Variants in CACNA2D3 observed in about 807,000 individuals in gnomAD.
CACNA2D3 encodes calcium voltage-gated channel auxiliary subunit alpha2delta 3.
CACNA2D3 carries 60 observed loss-of-function variants against 160.6 expected under a neutral mutation model. That is an observed-to-expected ratio of 0.37 (90% CI 0.30 to 0.46). The LOEUF is 0.46. CACNA2D3 is among the 20% of genes least tolerant of loss of function. The pLI, the probability that CACNA2D3 is intolerant of heterozygous loss-of-function variation, is 1.00. For missense variants in CACNA2D3, 1,205 were observed against 1,365.0 expected (o/e 0.88, Z 1.85); for synonymous variants, 558 against 492.9 (o/e 1.13, Z -1.75).
chr3:54,948,968 G>A (rs995255059), intron 27 of CACNA2D3, among the ~76,000 whole-genome samples: 12 of 152,314 alleles, frequency 7.9e-5, no homozygotes, highest in African/African-American at 2.9e-4. Flanking sequence ...GTTATAACCA[G>A]CTTCAGGTAC....
intron 5 of CACNA2D3, among the ~76,000 whole-genome samples, chr3:54,561,760 C>G (rs2106704650): frequency 6.6e-6 from 1 of 152,200 alleles, no homozygotes; most frequent in Non-Finnish European, 1.5e-5. Context: ...GGAGAACAAC[C>G]TTTGTGTTAT....
chr3:54,822,089 C>A (rs975662108), intron 14 of CACNA2D3, among the ~76,000 whole-genome samples: 1 of 152,158 alleles, frequency 6.6e-6, no homozygotes, highest in Non-Finnish European at 1.5e-5. Flanking sequence ...CTTTGCTTTG[C>A]ATGTAAACTA....
chr3:54,177,550 C>T (rs1203969676), intron 2 of CACNA2D3, among the ~76,000 whole-genome samples: 3 of 152,132 alleles, frequency 2.0e-5, no homozygotes, highest in East Asian at 1.9e-4. Context: ...AATTATCCTG[C>T]CCCCACACTT....
At chr3:54,994,436 G>A (rs574340903) in intron 31 of CACNA2D3, among the ~76,000 whole-genome samples, 1 of 152,274 alleles carries the variant, frequency 6.6e-6, no homozygotes, top group South Asian at 2.1e-4. Context: ...GTCAGAGGTG[G>A]CATTGAAGGG....
At chr3:54,751,450 C>T (rs73074109) in intron 11 of CACNA2D3, among the ~76,000 whole-genome samples, 8,522 of 146,740 alleles carry the variant, frequency 0.058, 311 homozygotes, top group South Asian at 0.11. Context: ...CCACTGTAAG[C>T]GTTTTTTGTG....
At chr3:54,124,600 A>G (rs908954625) in intron 2 of CACNA2D3, among the ~76,000 whole-genome samples, 2 of 152,216 alleles carry the variant, frequency 1.3e-5, no homozygotes, top group Non-Finnish European at 2.9e-5. Context: ...CCTGGTAACC[A>G]AGTACGTATT....
At chr3:54,900,718 T>C (rs979705960) in intron 27 of CACNA2D3, among the ~76,000 whole-genome samples, 4 of 152,224 alleles carry the variant, frequency 2.6e-5, no homozygotes, top group African/African-American at 9.6e-5. Flanking sequence ...AGTTGTACTT[T>C]AGGGTGACTT....
intron 31 of CACNA2D3, among the ~76,000 whole-genome samples, chr3:55,003,358 T>A (rs1703023916): frequency 6.6e-6 from 1 of 152,178 alleles, no homozygotes; most frequent in Non-Finnish European, 1.5e-5. Context: ...AAGCATGGGA[T>A]AAGATGTTCA....
At chr3:54,925,541 G>A (rs372365601) in intron 27 of CACNA2D3, among the ~76,000 whole-genome samples, 2 of 152,182 alleles carry the variant, frequency 1.3e-5, no homozygotes, top group East Asian at 1.9e-4. Context: ...TGTATATGCC[G>A]TTTGTAGGCC....
chr3:54,610,110 G>A (rs759998671), intron 9 of CACNA2D3, among the ~76,000 whole-genome samples: 1 of 152,020 alleles, frequency 6.6e-6, no homozygotes, highest in Non-Finnish European at 1.5e-5. Flanking sequence ...TCTTCACCCT[G>A]TGTGTGGCTG....
chr3:55,045,206 G>T (rs189190241), intron 35 of CACNA2D3, among the ~76,000 whole-genome samples: 1 of 152,230 alleles, frequency 6.6e-6, no homozygotes, highest in Non-Finnish European at 1.5e-5. Flanking sequence ...CTGCCACCAT[G>T]ACTGGCTAAT....
chr3:54,996,687 G>A (rs568983728), intron 31 of CACNA2D3, among the ~76,000 whole-genome samples: 54 of 152,280 alleles, frequency 3.5e-4, no homozygotes, highest in African/African-American at 1.3e-3. Context: ...CTCCTATTTG[G>A]TGAGTCAAGG....
intron 11 of CACNA2D3, among the ~76,000 whole-genome samples, chr3:54,731,151 G>A (rs1051853443): frequency 3.3e-5 from 5 of 152,122 alleles, no homozygotes; most frequent in African/African-American, 2.4e-5. Context: ...GTTATAGGTC[G>A]AAATGATTGT....
Position 54,939,794 on chromosome 3 carries a change from A to G in CACNA2D3, c.2450-28656A>G, listed in dbSNP as rs1033288699. On this transcript the variant is annotated intron_variant, in intron 27 of 37. Transcript: ENST00000474759. The stretch of plus-strand genomic sequence containing the variant: ...AGACCAGTAGCGGGAGAAGCATGGC[A>G]TTTTGTGGGCCTGCTCCTGCCCTTC... 2.0e-5 allele frequency among the ~76,000 whole-genome samples: 3 copies of G among 152,212 alleles called. No individual in the cohort carries two copies. The South Asian group carries it at 6.2e-4, about 32-fold the overall frequency.
chr3:54,567,085 A>G (rs1390369725), intron 6 of CACNA2D3, among the ~76,000 whole-genome samples: 3 of 152,208 alleles, frequency 2.0e-5, no homozygotes, highest in Non-Finnish European at 4.4e-5. Context: ...TATAATTTTC[A>G]TAGCAACTGT....
intron 2 of CACNA2D3, among the ~76,000 whole-genome samples, chr3:54,169,740 AGT>A (rs1398228248): frequency 1.3e-5 from 2 of 151,190 alleles, no homozygotes; most frequent in African/African-American, 2.4e-5. Context: ...CGTGTGTGCG[AGT>A]GTGCATGTGT....
At chr3:54,387,618 C>T (rs1699210086) in intron 4 of CACNA2D3, among the ~76,000 whole-genome samples, 1 of 152,130 alleles carries the variant, frequency 6.6e-6, no homozygotes, top group South Asian at 2.1e-4. Flanking sequence ...AGCCATTGCA[C>T]TGCAGCCTGG....
chr3:54,508,337 G>A (rs35353446), intron 5 of CACNA2D3, among the ~76,000 whole-genome samples: 6,328 of 152,296 alleles, frequency 0.042, 180 homozygotes, highest in Non-Finnish European at 0.062. Flanking sequence ...AGAAGAGGGA[G>A]AGGGAGGAGG....
At chr3:54,644,067 A>T (rs952801102) in intron 11 of CACNA2D3, among the ~76,000 whole-genome samples, 2 of 152,180 alleles carry the variant, frequency 1.3e-5, no homozygotes, top group African/African-American at 4.8e-5. Context: ...GTGACATTCA[A>T]TGAATAGCAT....
Sources: allele counts gnomAD v4.1 joint callset (sites outside exome capture counted in the v4.1 genomes callset), GRCh38; gene constraint gnomAD v4.1.1; transcripts MANE v1.5; gene names NCBI Gene and HGNC (gene_info 2026-07-23, HGNC 2026-07-21).